THSD7A: variants seen among roughly 807,000 people sequenced by gnomAD.
THSD7A encodes thrombospondin type 1 domain containing 7A, also known as thrombospondin type-1 domain-containing protein 7A.
THSD7A carries 96 observed loss-of-function variants against 231.3 expected under a neutral mutation model. The observed-to-expected ratio is 0.41, with a 90% CI of 0.35 to 0.49. The LOEUF (loss-of-function observed/expected upper bound fraction) is 0.49, where lower values mean the gene tolerates loss of function less well. Among genes scored for constraint, THSD7A ranks in the 20% least tolerant of loss-of-function variants. The pLI is 0.05. For synonymous variants in THSD7A, 940 were observed against 743.3 expected (o/e 1.26, Z -4.30); for missense variants, 2,290 against 2,070.2 (o/e 1.11, Z -2.06).
At chr7:11,463,976 T>C (rs1293887206) in intron 9 of THSD7A, among the ~76,000 whole-genome samples, 2 of 152,172 alleles carry the variant, frequency 1.3e-5, no homozygotes, top group African/African-American at 4.8e-5. Flanking sequence ...TATTTTTTGC[T>C]TTGGTCACCA....
intron 2 of THSD7A, among the ~76,000 whole-genome samples, chr7:11,603,576 C>T (rs899372776): frequency 3.3e-5 from 5 of 151,822 alleles, no homozygotes; most frequent in Non-Finnish European, 7.4e-5. Context: ...GACACATGCA[C>T]ACGTATGTTT....
chr7:11,722,957 C>T (rs1328283484), intron 1 of THSD7A, among the ~76,000 whole-genome samples: 1 of 151,926 alleles, frequency 6.6e-6, no homozygotes, highest in African/African-American at 2.4e-5. Context: ...TACCATTTGA[C>T]CCAGCCATCC....
At chr7:11,452,814 C>T (rs1252144137) in intron 11 of THSD7A, among the ~76,000 whole-genome samples, 1 of 151,830 alleles carries the variant, frequency 6.6e-6, no homozygotes, top group African/African-American at 2.4e-5. Flanking sequence ...AACGAGGATG[C>T]TAATATTCAT....
intron 4 of THSD7A, among the ~76,000 whole-genome samples, chr7:11,589,973 T>C (rs1037648684): frequency 1.3e-5 from 2 of 152,230 alleles, no homozygotes; most frequent in African/African-American, 2.4e-5. Context: ...AAAGTTTTCT[T>C]TTACTGTAGT....
intron 4 of THSD7A, among the ~76,000 whole-genome samples, chr7:11,567,526 T>C (rs1332284488): frequency 3.3e-5 from 5 of 152,206 alleles, no homozygotes; most frequent in Admixed American, 3.3e-4. Context: ...TATTGCTTTC[T>C]GCATTCTTGA....
chr7:11,746,508 T>G (rs1189733756), intron 1 of THSD7A, among the ~76,000 whole-genome samples: 1 of 151,890 alleles, frequency 6.6e-6, no homozygotes. Context: ...TTTCATGACC[T>G]CGACATGTTT....
intron 1 of THSD7A, among the ~76,000 whole-genome samples, chr7:11,704,029 T>C (rs1187992065): frequency 6.6e-6 from 1 of 151,250 alleles, no homozygotes; most frequent in Non-Finnish European, 1.5e-5. Context: ...GTGGTATCTT[T>C]GAAGCATACA....
chr7:11,648,763 T>C (rs1401317531), intron 1 of THSD7A, among the ~76,000 whole-genome samples: 1 of 151,916 alleles, frequency 6.6e-6, no homozygotes, highest in Non-Finnish European at 1.5e-5. Context: ...GCTGCCACTT[T>C]TCTATTAGGG....
At chr7:11,519,172 CCATT>C (rs67060075) in intron 6 of THSD7A, among the ~76,000 whole-genome samples, 24,523 of 151,812 alleles carry the variant, frequency 0.16, 2,323 homozygotes, top group African/African-American at 0.27. Flanking sequence ...AAAAAATGTA[CCATT>C]CAGTTATTAT....
At chr7:11,533,272 A>AAATATAAGCCATTTCTTC (rs1324784598) in intron 6 of THSD7A, among the ~76,000 whole-genome samples, 1 of 152,182 alleles carries the variant, frequency 6.6e-6, no homozygotes, top group African/African-American at 2.4e-5. Flanking sequence ...CCTCGGCTAC[A>AAATATAAGCCATTTCTTC]AATATAAGCC....
chr7:11,520,480 T>C (rs1394868596), intron 6 of THSD7A, among the ~76,000 whole-genome samples: 1 of 152,214 alleles, frequency 6.6e-6, no homozygotes, highest in Non-Finnish European at 1.5e-5. Context: ...TTATCTCTTA[T>C]GCATATACTG....
rs143947340 is a variant in THSD7A, at chr7:11,529,003, C to A, written c.1822+12416G>T. Among the ~76,000 whole-genome samples the A allele has an allele frequency of 2.8e-3, 419 of 152,220 alleles. 1 individual carries two copies. Among genetic ancestry groups the A allele is most frequent in the African/African-American group, 9.6e-3 (399 of 41,556 alleles). On this transcript the variant is annotated intron_variant, in intron 6 of 27. Coordinates refer to ENST00000423059, the MANE Select transcript of THSD7A (RefSeq NM_015204.3). ...ATACATAAGTCAAGTCCAATTTCTGCCCACAGTCAGTAGCTTGTTGTCTTC... is the reference window on the plus strand; with the variant it reads ...ATACATAAGTCAAGTCCAATTTCTGACCACAGTCAGTAGCTTGTTGTCTTC...
At chr7:11,459,665 ATTTTTTTTT>A (rs34415355) in intron 11 of THSD7A, among the ~76,000 whole-genome samples, 2,137 of 39,776 alleles carry the variant, frequency 0.054, 118 homozygotes, top group Middle Eastern at 0.17. Context: ...AAAACAGGGG[ATTTTTTTTT>A]TTTTTTTTTT....
intron 1 of THSD7A, among the ~76,000 whole-genome samples, chr7:11,678,202 G>C (rs1481729510): frequency 6.6e-6 from 1 of 152,278 alleles, no homozygotes; most frequent in African/African-American, 2.4e-5. Flanking sequence ...GCGGTGTCTA[G>C]AGGAAAATTT....
intron 14 of THSD7A, among the ~76,000 whole-genome samples, chr7:11,427,844 G>T (rs563589453): frequency 9.1e-4 from 138 of 152,200 alleles, no homozygotes; most frequent in Middle Eastern, 3.4e-3. Context: ...CTGTGACATG[G>T]AAGCTAAACT....
chr7:11,827,260 C>T (rs1785059747), intron 1 of THSD7A, among the ~76,000 whole-genome samples: 2 of 152,148 alleles, frequency 1.3e-5, no homozygotes, highest in Non-Finnish European at 2.9e-5. Context: ...GAGAGACTTA[C>T]ATACCACTTA....
intron 1 of THSD7A, among the ~76,000 whole-genome samples, chr7:11,819,778 G>A (rs1396239299): frequency 6.6e-6 from 1 of 152,142 alleles, no homozygotes; most frequent in Non-Finnish European, 1.5e-5. Context: ...CTTAGAATGT[G>A]CAATCCAAAG....
intron 6 of THSD7A, among the ~76,000 whole-genome samples, chr7:11,538,771 C>T (rs542344402): frequency 1.3e-5 from 2 of 152,204 alleles, no homozygotes; most frequent in East Asian, 3.9e-4. Flanking sequence ...TCTTCTCTGA[C>T]AGAGAAGCTA....
chr7:11,409,231 T>G (rs918543647), intron 19 of THSD7A, among the ~76,000 whole-genome samples: 21 of 152,298 alleles, frequency 1.4e-4, no homozygotes, highest in African/African-American at 5.1e-4. Context: ...AAATGCTAGT[T>G]AGGTTTAACT....
Sources: gnomAD v4.1 joint callset for allele counts (sites outside exome capture counted in the v4.1 genomes callset) on GRCh38, gnomAD v4.1.1 for gene constraint, MANE v1.5 for transcripts, NCBI Gene and HGNC (gene_info 2026-07-23, HGNC 2026-07-21) for gene names.